The following MAP4K3 variants were observed in gnomAD, a reference collection of about 807,000 sequenced individuals.
MAP4K3 encodes the protein mitogen-activated protein kinase kinase kinase kinase 3, also known as MAPK/ERK kinase kinase kinase 3.
A neutral mutation model predicts 143.5 loss-of-function variants in MAP4K3; 94 were observed. That is an observed-to-expected ratio of 0.65 (90% CI 0.55 to 0.78). The LOEUF is 0.78. Among genes scored for constraint, MAP4K3 ranks in the 30% least tolerant of loss-of-function variants. The probability of loss-of-function intolerance (pLI) is 0.00; values close to 1 mark genes in which losing one functional copy is unlikely to be tolerated. For synonymous variants in MAP4K3, 416 were observed against 347.2 expected, an observed-to-expected ratio of 1.20 and a Z score of -2.20; for missense variants, 1,077 against 1,068.1, an observed-to-expected ratio of 1.01 and a Z score of -0.12.
chr2:39,287,442 C>A (rs1338014586), intron 20 of MAP4K3, among the ~76,000 whole-genome samples: 1 of 152,062 alleles, frequency 6.6e-6, no homozygotes, highest in African/African-American at 2.4e-5. Flanking sequence ...GGATTACAGG[C>A]ATGCGCTACC....
At chr2:39,378,625 A>AT (rs1198137554) in intron 1 of MAP4K3, among the ~76,000 whole-genome samples, 1 of 152,062 alleles carries the variant, frequency 6.6e-6, no homozygotes, top group Non-Finnish European at 1.5e-5. Flanking sequence ...CTAGCCTTAT[A>AT]TTTTTTCATT....
chr2:39,422,489 T>G (rs896317515), intron 1 of MAP4K3, among the ~76,000 whole-genome samples: 1 of 152,122 alleles, frequency 6.6e-6, no homozygotes, highest in African/African-American at 2.4e-5. Context: ...GAGACCTTGA[T>G]CTCAGACTTC....
intron 1 of MAP4K3, among the ~76,000 whole-genome samples, chr2:39,387,345 G>A (rs1666532460): frequency 6.6e-6 from 1 of 152,204 alleles, no homozygotes; most frequent in African/African-American, 2.4e-5. Flanking sequence ...TTTACTATGT[G>A]GAGTCTTCCA....
intron 1 of MAP4K3, among the ~76,000 whole-genome samples, chr2:39,421,560 A>G (rs1218886189): frequency 1.3e-5 from 2 of 152,092 alleles, no homozygotes. Context: ...TGTATCTGTA[A>G]AATGGAAATA....
At chr2:39,288,511 A>C (rs937925086) in intron 19 of MAP4K3, among the ~76,000 whole-genome samples, 3 of 152,202 alleles carry the variant, frequency 2.0e-5, no homozygotes, top group Non-Finnish European at 4.4e-5. Flanking sequence ...TGTGCAAATA[A>C]AAGGGCCTCT....
At position 39,249,956 on chromosome 2, in the gene MAP4K3, A is replaced by G. The variant is rs1558598168; in HGVS notation, c.*662T>C. ...TTCACATAGAAAACAATCCAAATAC[A>G]TTTGTGGAGCCAAATGCTTATAGAC... On this transcript the variant is annotated 3_prime_UTR_variant, in exon 34 of 34. Coordinates refer to ENST00000263881, the MANE Select transcript of MAP4K3 (RefSeq NM_003618.4). The G allele has an allele frequency of 6.6e-6, 1 of 152,290 alleles. No homozygotes were observed. Among genetic ancestry groups the G allele is most frequent in the African/African-American group, 2.4e-5 (1 of 41,466 alleles). The allele number at this position is 152,290 out of a possible 1,614,324, so 9.4% of individuals were successfully genotyped here. A position where few individuals can be genotyped will look rare whatever the true frequency, so the allele number is the denominator to read the frequency against.
intron 1 of MAP4K3, among the ~76,000 whole-genome samples, chr2:39,421,167 A>G (rs1667535260): frequency 6.6e-6 from 1 of 152,222 alleles, no homozygotes; most frequent in African/African-American, 2.4e-5. Context: ...TCTTCGGTTC[A>G]TCAAACACCT....
intron 16 of MAP4K3, among the ~76,000 whole-genome samples, chr2:39,298,602 T>C (rs1682380258): frequency 6.6e-6 from 1 of 152,202 alleles, no homozygotes; most frequent in African/African-American, 2.4e-5. Context: ...TTAGTTACTA[T>C]TTCTCAACTG....
intron 1 of MAP4K3, among the ~76,000 whole-genome samples, chr2:39,396,637 C>A (rs1028299645): frequency 3.9e-5 from 6 of 152,026 alleles, no homozygotes; most frequent in Non-Finnish European, 8.8e-5. Context: ...CTACGCCCGG[C>A]TAATTTTTCG....
intron 1 of MAP4K3, chr2:39,436,589 C>CA: frequency 2.5e-6 from 1 of 398,520 alleles, no homozygotes; most frequent in Middle Eastern, 7.7e-4. Flanking sequence ...ACCTTCTCTG[C>CA]ACTATGGATG....
At chr2:39,292,519 T>G (rs1682088080) in intron 18 of MAP4K3, among the ~76,000 whole-genome samples, 1 of 152,188 alleles carries the variant, frequency 6.6e-6, no homozygotes, top group Admixed American at 6.5e-5. Context: ...CTCACCAAGT[T>G]GGTTGGTACC....
chr2:39,415,672 C>G (rs1667349057), intron 1 of MAP4K3, among the ~76,000 whole-genome samples: 1 of 151,636 alleles, frequency 6.6e-6, no homozygotes, highest in Admixed American at 6.6e-5. Flanking sequence ...TAATTATAGG[C>G]CAGGCACGGT....
chr2:39,270,246 A>G (rs991627267), intron 26 of MAP4K3, among the ~76,000 whole-genome samples: 9 of 152,256 alleles, frequency 5.9e-5, no homozygotes, highest in Admixed American at 1.3e-4. Flanking sequence ...TTTCAAAATA[A>G]GAGTTGTGGG....
intron 2 of MAP4K3, among the ~76,000 whole-genome samples, chr2:39,363,644 G>C (rs1016845257): frequency 6.9e-6 from 1 of 143,948 alleles, no homozygotes; most frequent in Admixed American, 7.2e-5. Context: ...ACTCTAGCTT[G>C]GGCAATAGAG....
At position 39,299,724 on chromosome 2, in the gene MAP4K3, T is replaced by G. The variant is rs2148488394; in HGVS notation, c.1178+19A>C. 6.8e-7 allele frequency: 1 copy of G among 1,464,072 alleles called. No homozygotes were observed. Among genetic ancestry groups the G allele is most frequent in the Non-Finnish European group, 9.2e-7 (1 of 1,082,706 alleles). 90.7% of individuals were successfully genotyped at this position (1,464,072 alleles called of 1,614,324 possible). A position where few individuals can be genotyped will look rare whatever the true frequency, so the allele number is the denominator to read the frequency against. On this transcript the variant is annotated intron_variant, in intron 16 of 33. Transcript: ENST00000263881. ...ATAATTCTTGAATTTAAATTAAGTT[T>G]TAAAAGAACTTTACTTACTTGTTTG...
intron 1 of MAP4K3, among the ~76,000 whole-genome samples, chr2:39,380,660 T>C (rs1264305302): frequency 6.6e-6 from 1 of 152,164 alleles, no homozygotes; most frequent in Non-Finnish European, 1.5e-5. Context: ...CTGACCACCA[T>C]TCTTCAAATG....
chr2:39,284,297 G>C (rs1033703581), intron 21 of MAP4K3, among the ~76,000 whole-genome samples: 3 of 152,022 alleles, frequency 2.0e-5, no homozygotes, highest in African/African-American at 7.2e-5. Context: ...GAGTAGCTGA[G>C]ATTACAGGCG....
intron 17 of MAP4K3, among the ~76,000 whole-genome samples, 162 bp downstream of exon 17, chr2:39,293,068 G>C (rs925832304): frequency 1.3e-5 from 2 of 152,054 alleles, no homozygotes; most frequent in African/African-American, 4.8e-5. Context: ...AGTGAGCTAT[G>C]ATCATACCAC....
chr2:39,273,479 CCTA>C (rs1011443176), intron 24 of MAP4K3, among the ~76,000 whole-genome samples: 46 of 152,204 alleles, frequency 3.0e-4, no homozygotes, highest in African/African-American at 1.1e-3. Flanking sequence ...TCTGGCAATT[CCTA>C]CAACTAAGTT....
Sources: gnomAD v4.1 joint callset for allele counts (sites outside exome capture counted in the v4.1 genomes callset) on GRCh38, gnomAD v4.1.1 for gene constraint, MANE v1.5 for transcripts, NCBI Gene and HGNC (gene_info 2026-07-23, HGNC 2026-07-21) for gene names.